The following HAT1 variants were observed in gnomAD, a reference collection of about 807,000 sequenced individuals.
HAT1 encodes histone acetyltransferase 1.
HAT1 carries 20 observed loss-of-function variants against 56.6 expected under a neutral mutation model. The ratio of observed to expected loss-of-function variants is 0.35; its 90% CI spans 0.25 to 0.51. The LOEUF (loss-of-function observed/expected upper bound fraction) is 0.51, where lower values mean the gene tolerates loss of function less well. Ranked by LOEUF, HAT1 falls within the 20% of genes least tolerant of loss-of-function variation. HAT1 has a pLI of 0.95. For missense variants in HAT1, 408 were observed against 504.3 expected, an observed-to-expected ratio of 0.81 and a Z score of 1.83; for synonymous variants, 146 against 165.5, an observed-to-expected ratio of 0.88 and a Z score of 0.91.
chr2:171,941,525 G>A (rs1558966713), intron 2 of HAT1, among the ~76,000 whole-genome samples: 1 of 152,048 alleles, frequency 6.6e-6, no homozygotes, highest in Non-Finnish European at 1.5e-5. Flanking sequence ...ATTTGCATCC[G>A]CTCCCCAGTG....
rs777295253 is a variant in HAT1, at chr2:171,966,461, A to G, written c.664A>G (p.Met222Val). 5.4e-5 allele frequency: 87 copies of G among 1,602,668 alleles called. No individual in the cohort carries two copies. The highest frequency in any genetic ancestry group is 6.8e-5 in the Non-Finnish European group (80 of 1,169,614). ...GATLFATVGY[M>V]TVYNYYVYPD... is the part of the protein sequence containing the mutation. ...TACGCTCTTTGCGACCGTAGGCTAC[A>G]TGACAGTCTATAATTACTATGTGTA... The change falls in exon 7 of 11, where the codon ATG becomes GTG. Residue 222 changes from methionine (M) to valine (V), a missense_variant. Coordinates refer to ENST00000264108, the MANE Select transcript of HAT1 (RefSeq NM_003642.4).
intron 8 of HAT1, 23 bp from the exon 9 acceptor site, chr2:171,976,134 A>G (rs764958487): frequency 7.5e-7 from 1 of 1,335,344 alleles, no homozygotes; most frequent in Non-Finnish European, 9.8e-7. Flanking sequence ...AAATGTTAAT[A>G]TTATTCTGCT....
intron 4 of HAT1, among the ~76,000 whole-genome samples, chr2:171,954,475 C>T (rs1687392227): frequency 6.6e-6 from 1 of 152,100 alleles, no homozygotes; most frequent in South Asian, 2.1e-4. Context: ...CACCTGAGGT[C>T]AGGAGTTTGA....
intron 4 of HAT1, among the ~76,000 whole-genome samples, chr2:171,956,010 A>G (rs575663821): frequency 5.3e-5 from 8 of 152,058 alleles, no homozygotes; most frequent in African/African-American, 1.9e-4. Flanking sequence ...GCGCCACTGC[A>G]CTCCAGCCTG....
chr2:171,941,422 A>G (rs986276768), intron 2 of HAT1, among the ~76,000 whole-genome samples: 1 of 152,136 alleles, frequency 6.6e-6, no homozygotes, highest in African/African-American at 2.4e-5. Context: ...CTTGTTGGCC[A>G]GGCTGGGCTG....
intron 3 of HAT1, among the ~76,000 whole-genome samples, chr2:171,950,340 AT>A (rs774283064): frequency 3.6e-4 from 52 of 143,548 alleles, no homozygotes; most frequent in East Asian, 6.1e-4. Context: ...CACCCAGCTA[AT>A]TTTTTTTTTT....
intron 1 of HAT1, chr2:171,924,153 T>C (rs1686515720): frequency 6.6e-6 from 1 of 152,138 alleles, no homozygotes; most frequent in Admixed American, 6.6e-5. Context: ...TTATAGCACA[T>C]CATTGTACCC....
rs924068607 is a variant in HAT1 at position 171,983,406 on chromosome 2, G to GA, written c.*59dup. 2 of 901,286 alleles carry GA rather than the reference G, an allele frequency of 2.2e-6. No homozygotes were observed. The highest frequency in any genetic ancestry group is 1.7e-5 in the African/African-American group (1 of 58,768). The allele number at this position is 901,286 out of a possible 1,614,324, so 55.8% of individuals were successfully genotyped here. A position where few individuals can be genotyped will look rare whatever the true frequency, so the allele number is the denominator to read the frequency against. On this transcript the variant is annotated 3_prime_UTR_variant, in exon 11 of 11. Coordinates refer to ENST00000264108, the MANE Select transcript of HAT1 (RefSeq NM_003642.4). ...GCAAATTTTCTGTACAATGTGCTGT[G>GA]AAAAATCTGATGACTTTAATTTTAA...
At chr2:171,962,772 T>C (rs955568490) in intron 4 of HAT1, among the ~76,000 whole-genome samples, 1 of 152,200 alleles carries the variant, frequency 6.6e-6, no homozygotes, top group African/African-American at 2.4e-5. Context: ...CCTTTCTATA[T>C]TTCTGTATAA....
Position 171,970,292 on chromosome 2 carries a change from GCACTTGTAGT to G in HAT1, c.823+3345_823+3354del, listed in dbSNP as rs532576647. Among the ~76,000 whole-genome samples the G allele has an allele frequency of 3.7e-4, 56 of 151,476 alleles. 3 individuals carry two copies. The highest frequency in any genetic ancestry group is 1.4e-3 in the African/African-American group (56 of 41,320). On this transcript the variant is annotated intron_variant, in intron 8 of 10. Coordinates refer to ENST00000264108, the MANE Select transcript of HAT1 (RefSeq NM_003642.4). ...AAAAATTAGCCAGGCGTGGTGGCAT[GCACTTGTAGT>G]CCCAGCTACTCGGGAGGCTGAGGCA...
intron 6 of HAT1, 198 bp from the exon 7 acceptor site, chr2:171,966,211 T>C: frequency 1.6e-6 from 1 of 630,472 alleles, no homozygotes; most frequent in Non-Finnish European, 2.9e-6. Context: ...TGAAGTGATG[T>C]AAAGAGGTCT....
chr2:171,949,725 C>T (rs1687257421), intron 3 of HAT1, among the ~76,000 whole-genome samples: 1 of 151,698 alleles, frequency 6.6e-6, no homozygotes. Context: ...CCTATGTTGA[C>T]CAGGCTGGTC....
chr2:171,938,772 G>T (rs549351201), intron 2 of HAT1, among the ~76,000 whole-genome samples: 1 of 151,686 alleles, frequency 6.6e-6, no homozygotes, highest in Non-Finnish European at 1.5e-5. Flanking sequence ...ACAGGGTCTT[G>T]CTCTATTGTC....
At chr2:171,947,541 C>T (rs1687198518) in intron 3 of HAT1, among the ~76,000 whole-genome samples, 1 of 152,194 alleles carries the variant, frequency 6.6e-6, no homozygotes, top group Non-Finnish European at 1.5e-5. Context: ...CAGGCATGAA[C>T]CACTGTACCT....
At chr2:171,948,091 C>T (rs1204305579) in intron 3 of HAT1, among the ~76,000 whole-genome samples, 3 of 152,164 alleles carry the variant, frequency 2.0e-5, no homozygotes, top group Non-Finnish European at 4.4e-5. Flanking sequence ...GCTACATTTG[C>T]TTTAATCATT....
intron 4 of HAT1, among the ~76,000 whole-genome samples, chr2:171,962,275 A>C (rs1275990560): frequency 6.6e-6 from 1 of 152,214 alleles, no homozygotes; most frequent in Non-Finnish European, 1.5e-5. Context: ...TTTCATAATG[A>C]CCCACCTACC....
chr2:171,970,503 T>A (rs1214988234), intron 8 of HAT1, among the ~76,000 whole-genome samples: 1 of 7,546 alleles, frequency 1.3e-4, no homozygotes, highest in African/African-American at 2.4e-4. Flanking sequence ...TTTCTTTTTT[T>A]TTTTTTTTTT....
chr2:171,945,581 C>T (rs1242470665), intron 2 of HAT1, among the ~76,000 whole-genome samples: 1 of 151,196 alleles, frequency 6.6e-6, no homozygotes, highest in Non-Finnish European at 1.5e-5. Context: ...GCAACCTCTA[C>T]CTCCTGGATT....
chr2:171,961,488 C>G (rs1178162581), intron 4 of HAT1, among the ~76,000 whole-genome samples: 3 of 152,060 alleles, frequency 2.0e-5, no homozygotes, highest in African/African-American at 7.2e-5. Context: ...ATCCTAGTGT[C>G]CCACTAATTG....
Sources: allele counts gnomAD v4.1 joint callset (sites outside exome capture counted in the v4.1 genomes callset), GRCh38; gene constraint gnomAD v4.1.1; transcripts MANE v1.5; gene names NCBI Gene and HGNC (gene_info 2026-07-23, HGNC 2026-07-21).